The following FAM210B variants were observed in gnomAD, a reference collection of about 807,000 sequenced individuals.
The protein encoded by FAM210B is family with sequence similarity 210 member B.
Under a neutral mutation model 14.9 loss-of-function variants are expected in FAM210B, and 11 were observed. The observed-to-expected ratio is 0.74, with a 90% CI of 0.46 to 1.22. FAM210B has a LOEUF of 1.22. Ranked by LOEUF, FAM210B falls within the 50% of genes most tolerant of loss-of-function variation. The pLI, the probability that FAM210B is intolerant of heterozygous loss-of-function variation, is 0.00. For synonymous variants in FAM210B, 113 were observed against 110.2 expected, an observed-to-expected ratio of 1.03 and a Z score of -0.16; for missense variants, 229 against 250.1, an observed-to-expected ratio of 0.92 and a Z score of 0.57.
intron 1 of FAM210B, among the ~76,000 whole-genome samples, chr20:56,361,077 A>G (rs1434215212): frequency 1.3e-5 from 2 of 152,060 alleles, no homozygotes; most frequent in Non-Finnish European, 2.9e-5. Flanking sequence ...TTGTCTTAAC[A>G]TGATTCCATG....
At chr20:56,364,219 A>G (rs1157172459) in intron 1 of FAM210B, among the ~76,000 whole-genome samples, 1 of 152,206 alleles carries the variant, frequency 6.6e-6, no homozygotes, top group Non-Finnish European at 1.5e-5. Flanking sequence ...GAAGTCCAAA[A>G]TGGGTCTTAA....
At position 56,362,314 on chromosome 20, in the gene FAM210B, G is replaced by C. The variant is rs917423590; in HGVS notation, c.187-2773G>C. The stretch of plus-strand genomic sequence containing the variant: ...CTTTAAAAAATGTTGGGGAGAGGCA[G>C]AAGGGGCATCTCACACACACACTGT... On this transcript the variant is annotated intron_variant, in intron 1 of 2. Coordinates refer to ENST00000371384, the MANE Select transcript of FAM210B (RefSeq NM_080821.3). This position sits in a 1 kb window ranked among gnomAD's most constrained non-coding sequence, Gnocchi z 4.8. Among the ~76,000 whole-genome samples the C allele has an allele frequency of 1.4e-5, 2 of 145,348 alleles. No individual in the cohort carries two copies. Among genetic ancestry groups the C allele is most frequent in the Non-Finnish European group, 3.0e-5 (2 of 67,498 alleles).
intron 1 of FAM210B, chr20:56,360,064 G>A (rs1431445659): frequency 5.1e-6 from 2 of 389,926 alleles, no homozygotes; most frequent in East Asian, 7.3e-5. Flanking sequence ...GAGTGCCGCC[G>A]GCCCAGCGAA....
chr20:56,366,376 C>G lies in FAM210B; in HGVS notation c.*89C>G, dbSNP rs1363705208. On this transcript the variant is annotated 3_prime_UTR_variant, in exon 3 of 3. Transcript: ENST00000371384. ...TTAGGGTTTTAGGGTTGTAGGGTTT[C>G]TTTTGGAGAGGTAGGGGGCTAATTG... 14 of 1,312,522 alleles carry G rather than the reference C, an allele frequency of 1.1e-5. No homozygotes were observed. Among genetic ancestry groups the G allele is most frequent in the Non-Finnish European group, 1.1e-6 (1 of 933,732 alleles). The allele number at this position is 1,312,522 out of a possible 1,614,324, so 81.3% of individuals were successfully genotyped here.
chr20:56,359,331 C>G lies in FAM210B; in HGVS notation c.186+140C>G. 1.2e-6 allele frequency: 1 copy of G among 858,614 alleles called. No homozygotes were observed. The highest frequency in any genetic ancestry group is 6.0e-5 in the South Asian group (1 of 16,698). 53.2% of individuals were successfully genotyped at this position (858,614 alleles called of 1,614,324 possible). A position where few individuals can be genotyped will look rare whatever the true frequency, so the allele number is the denominator to read the frequency against. ...CCGGGACCGAGCTCTTCCAGGGTCC[C>G]CGAAACCCCAAATCCCTGCAAGCCA... is the stretch of plus-strand genomic sequence containing the variant. On this transcript the variant is annotated intron_variant, in intron 1 of 2. Coordinates refer to ENST00000371384, the MANE Select transcript of FAM210B (RefSeq NM_080821.3). The surrounding 1 kb of genome is among the most constrained non-coding windows in gnomAD (Gnocchi z 4.3).
Position 56,368,369 on chromosome 20 carries a change from A to T in FAM210B, c.*2082A>T, listed in dbSNP as rs1218042093. 6.6e-6 allele frequency: 1 copy of T among 152,566 alleles called. No homozygotes were observed. Among genetic ancestry groups the T allele is most frequent in the East Asian group, 1.9e-4 (1 of 5,206 alleles). The allele number at this position is 152,566 out of a possible 1,614,324, so 9.5% of individuals were successfully genotyped here. Reference sequence around the variant, plus strand: ...AAAAAAAAGAAAAACTGATGGTGAAACCTACAGGTTTAAGGGCTTAAATCT... The same window carrying T: ...AAAAAAAAGAAAAACTGATGGTGAATCCTACAGGTTTAAGGGCTTAAATCT... On this transcript the variant is annotated 3_prime_UTR_variant, in exon 3 of 3. Coordinates refer to ENST00000371384, the MANE Select transcript of FAM210B (RefSeq NM_080821.3).
At chr20:56,365,976 A>T in intron 2 of FAM210B, 95 bp from the exon 3 acceptor site, 1 of 844,102 alleles carries the variant, frequency 1.2e-6, no homozygotes. Context: ...CTACTTCATT[A>T]CATTTTTTAA....
Position 56,359,512 on chromosome 20 carries a change from G to A in FAM210B, c.186+321G>A, listed in dbSNP as rs1983489551. 6.6e-6 allele frequency among the ~76,000 whole-genome samples: 1 copy of A among 152,214 alleles called. No individual in the cohort carries two copies. The highest frequency in any genetic ancestry group is 1.5e-5 in the Non-Finnish European group (1 of 68,044). The stretch of plus-strand genomic sequence containing the variant: ...ACTGACTTGGTCTGAACTTCCACAC[G>A]TTGCCTGCGGAGTTGTTGTCCAGGC... On this transcript the variant is annotated intron_variant, in intron 1 of 2. Transcript: ENST00000371384. This position sits in a 1 kb window ranked among gnomAD's most constrained non-coding sequence, Gnocchi z 4.3.
chr20:56,365,403 C>A (rs1983613016), intron 2 of FAM210B, 141 bp downstream of exon 2: 1 of 848,872 alleles, frequency 1.2e-6, no homozygotes, highest in Non-Finnish European at 1.8e-6. Flanking sequence ...GGCATGATCA[C>A]AGCTCACTGC....
chr20:56,366,455 T>A lies in FAM210B; in HGVS notation c.*168T>A. 1.5e-6 allele frequency: 1 copy of A among 650,096 alleles called. No individual in the cohort carries two copies. The highest frequency in any genetic ancestry group is 2.6e-6 in the Non-Finnish European group (1 of 384,468). 40.3% of individuals were successfully genotyped at this position (650,096 alleles called of 1,614,324 possible). A position where few individuals can be genotyped will look rare whatever the true frequency, so the allele number is the denominator to read the frequency against. On this transcript the variant is annotated 3_prime_UTR_variant, in exon 3 of 3. Coordinates refer to ENST00000371384, the MANE Select transcript of FAM210B (RefSeq NM_080821.3). ...CAAAAATCAGGCTTTTGAACAATTT[T>A]AATTTTTTGCCTCATAAATTTTGTG...
At chr20:56,360,919 C>T (rs1983518578) in intron 1 of FAM210B, among the ~76,000 whole-genome samples, 1 of 152,220 alleles carries the variant, frequency 6.6e-6, no homozygotes. Flanking sequence ...GGCCGCCCAC[C>T]CTCGTCGGGA....
rs1404833351 is a variant in FAM210B at position 56,363,341 on chromosome 20, G to A, written c.187-1746G>A. On this transcript the variant is annotated intron_variant, in intron 1 of 2. Transcript: ENST00000371384. This position sits in a 1 kb window ranked among gnomAD's most constrained non-coding sequence, Gnocchi z 4.1. Reference sequence around the variant, plus strand: ...AAAACAGGAGCGACAAAGGTTCCTGGGTCATGAGGCAGTGAGGGATTTATG... The same window carrying A: ...AAAACAGGAGCGACAAAGGTTCCTGAGTCATGAGGCAGTGAGGGATTTATG... Among the ~76,000 whole-genome samples the A allele has an allele frequency of 6.6e-6, 1 of 152,188 alleles. No individual in the cohort carries two copies. The highest frequency in any genetic ancestry group is 6.5e-5 in the Admixed American group (1 of 15,276).
chr20:56,368,051 T>C lies in FAM210B; in HGVS notation c.*1764T>C, dbSNP rs1219005254. ...TTATCTCCACTAACATATCCAAGAATCTTTGTAGGACAATTTCTCCACCTG... is the reference window on the plus strand; with the variant it reads ...TTATCTCCACTAACATATCCAAGAACCTTTGTAGGACAATTTCTCCACCTG... On this transcript the variant is annotated 3_prime_UTR_variant, in exon 3 of 3. Transcript: ENST00000371384. The C allele has an allele frequency of 2.0e-5, 3 of 152,606 alleles. No homozygotes were observed. Among genetic ancestry groups the C allele is most frequent in the Non-Finnish European group, 4.4e-5 (3 of 68,030 alleles). The allele number at this position is 152,606 out of a possible 1,614,324, so 9.5% of individuals were successfully genotyped here.
In FAM210B at chr20:56,363,334, G is replaced by T. The variant is rs1051170490; in HGVS notation, c.187-1753G>T. ...ATCTGTCAAAACAGGAGCGACAAAG[G>T]TTCCTGGGTCATGAGGCAGTGAGGG... On this transcript the variant is annotated intron_variant, in intron 1 of 2. Coordinates refer to ENST00000371384, the MANE Select transcript of FAM210B (RefSeq NM_080821.3). This position sits in a 1 kb window ranked among gnomAD's most constrained non-coding sequence, Gnocchi z 4.1. Among the ~76,000 whole-genome samples, 3 of 152,154 alleles carry T rather than the reference G, an allele frequency of 2.0e-5. No individual in the cohort carries two copies. Among genetic ancestry groups the T allele is most frequent in the Non-Finnish European group, 4.4e-5 (3 of 68,022 alleles).
At position 56,367,318 on chromosome 20, in the gene FAM210B, G is replaced by A. The variant is rs2055439120; in HGVS notation, c.*1031G>A. On this transcript the variant is annotated 3_prime_UTR_variant, in exon 3 of 3. Transcript: ENST00000371384. Reference sequence around the variant, plus strand: ...GCTTTACCCAATGAAGGGCATATGTGTTAGAGAGATTAGCTAAGAGTAGAA... The same window carrying A: ...GCTTTACCCAATGAAGGGCATATGTATTAGAGAGATTAGCTAAGAGTAGAA... 6.6e-6 allele frequency: 1 copy of A among 152,244 alleles called. No individual in the cohort carries two copies. The highest frequency in any genetic ancestry group is 1.5e-5 in the Non-Finnish European group (1 of 68,080). 9.4% of individuals were successfully genotyped at this position (152,244 alleles called of 1,614,324 possible).
At position 56,359,368 on chromosome 20, in the gene FAM210B, C is replaced by T. The variant is rs1983487092; in HGVS notation, c.186+177C>T. Among the ~76,000 whole-genome samples the T allele has an allele frequency of 1.3e-5, 2 of 152,234 alleles. No homozygotes were observed. Among genetic ancestry groups the T allele is most frequent in the Non-Finnish European group, 2.9e-5 (2 of 68,038 alleles). ...ATCCCTGCAAGCCAAGGAAGCGATC[C>T]TCCTAGTTGACAGCCAGAGAAACTG... On this transcript the variant is annotated intron_variant, in intron 1 of 2. Coordinates refer to ENST00000371384, the MANE Select transcript of FAM210B (RefSeq NM_080821.3). This position sits in a 1 kb window ranked among gnomAD's most constrained non-coding sequence, Gnocchi z 4.3.
At chr20:56,360,308 A>G in intron 1 of FAM210B, 1 of 461,326 alleles carries the variant, frequency 2.2e-6, no homozygotes, top group Non-Finnish European at 4.4e-6. Context: ...AGCCCTCTCT[A>G]ACGACCTGTG....
At chr20:56,360,134 T>A in intron 1 of FAM210B, 1 of 465,268 alleles carries the variant, frequency 2.1e-6, no homozygotes, top group Non-Finnish European at 4.4e-6. Context: ...GACCCAGGCT[T>A]TCATCATGCC....
chr20:56,359,046 T>G lies in FAM210B; in HGVS notation c.41T>G (p.Val14Gly). 1.5e-6 allele frequency: 2 copies of G among 1,351,180 alleles called. No individual in the cohort carries two copies. The highest frequency in any genetic ancestry group is 1.9e-6 in the Non-Finnish European group (2 of 1,045,950). The allele number at this position is 1,351,180 out of a possible 1,614,324, so 83.7% of individuals were successfully genotyped here. A position where few individuals can be genotyped will look rare whatever the true frequency, so the allele number is the denominator to read the frequency against. ...GCGTTGCTGGGTCCGGCAGGCAGGGTGGGCGCCCGGGTCCGGCCTCGCGCC... is the reference window on the plus strand; with the variant it reads ...GCGTTGCTGGGTCCGGCAGGCAGGGGGGGCGCCCGGGTCCGGCCTCGCGCC... ...LLALLGPAGRVGARVRPRATW... is the reference protein window; with the variant it reads ...LLALLGPAGRGGARVRPRATW... Residue 14 changes from valine (V) to glycine (G), a missense_variant, in exon 1 of 3, where the codon GTG becomes GGG. By Grantham distance (109) the Val-to-Gly change is moderately radical. Coordinates refer to ENST00000371384, the MANE Select transcript of FAM210B (RefSeq NM_080821.3). The surrounding 1 kb of genome is among the most constrained non-coding windows in gnomAD (Gnocchi z 4.3).
Sources: gnomAD v4.1 joint callset for allele counts (sites outside exome capture counted in the v4.1 genomes callset) on GRCh38, gnomAD v4.1.1 for gene constraint, Gnocchi (gnomAD v3.1) non-coding constraint, MANE v1.5 for transcripts, NCBI Gene and HGNC (gene_info 2026-07-23, HGNC 2026-07-21) for gene names.